Variants in ZC3H3 observed in about 807,000 individuals in gnomAD.
The protein encoded by ZC3H3 is zinc finger CCCH-type containing 3.
In ZC3H3, 36 loss-of-function variants were observed where a neutral mutation model predicts 77.3. That is an observed-to-expected ratio of 0.47 (90% CI 0.36 to 0.61). The LOEUF is 0.61. Among genes scored for constraint, ZC3H3 ranks in the 20% least tolerant of loss-of-function variants. The probability of loss-of-function intolerance (pLI) is 0.00; values close to 1 mark genes in which losing one functional copy is unlikely to be tolerated. For synonymous variants in ZC3H3, 626 were observed against 555.2 expected, an observed-to-expected ratio of 1.13 and a Z score of -1.79; for missense variants, 1,331 against 1,312.2, an observed-to-expected ratio of 1.01 and a Z score of -0.22.
At chr8:143,470,896 C>T (rs1042667354) in intron 5 of ZC3H3, among the ~76,000 whole-genome samples, 3 of 152,212 alleles carry the variant, frequency 2.0e-5, no homozygotes, top group African/African-American at 7.2e-5. Flanking sequence ...CAGCAGAAGG[C>T]GCCATGCATT....
At position 143,462,403 on chromosome 8, in the gene ZC3H3, C is replaced by T. The variant is rs116753206; in HGVS notation, c.2307+3314G>A. On this transcript the variant is annotated intron_variant, in intron 9 of 11. Transcript: ENST00000262577. The surrounding 1 kb of genome is among the most constrained non-coding windows in gnomAD (Gnocchi z 4.7). ...ATCACAGGGCAAAGGATGTCAGGAC[C>T]TTGCCTCATAAAGGACGAAGGATTC... Among the ~76,000 whole-genome samples, 3 of 152,334 alleles carry T rather than the reference C, an allele frequency of 2.0e-5. No homozygotes were observed. The highest frequency in any genetic ancestry group is 1.3e-4 in the Admixed American group (2 of 15,308).
At chr8:143,489,796 G>A in intron 4 of ZC3H3, among the ~76,000 whole-genome samples, 1 of 152,258 alleles carries the variant, frequency 6.6e-6, no homozygotes, top group African/African-American at 2.4e-5. Flanking sequence ...TGCCAATTAA[G>A]TGCTGACTTG....
Position 143,474,553 on chromosome 8 carries a change from GGCTTCCAGGGAGGTAC to G in ZC3H3, c.1903+829_1903+844del, listed in dbSNP as rs533487021. Among the ~76,000 whole-genome samples, 1,457 of 152,336 alleles carry G rather than the reference GGCTTCCAGGGAGGTAC, an allele frequency of 9.6e-3. 11 individuals carry two copies. Among genetic ancestry groups the G allele is most frequent in the Admixed American group, 0.017 (259 of 15,308 alleles). ...GCCAGGCAGGGCGGCCAGTGAGGCT[GGCTTCCAGGGAGGTAC>G]GCTTCCTGCCTCTCCTCTGACCCCC... On this transcript the variant is annotated intron_variant, in intron 5 of 11. Coordinates refer to ENST00000262577, the MANE Select transcript of ZC3H3 (RefSeq NM_015117.3).
At position 143,536,278 on chromosome 8, in the gene ZC3H3, C is replaced by T; in HGVS notation, c.1540G>A (p.Ala514Thr). 9 of 1,611,426 alleles carry T rather than the reference C, an allele frequency of 5.6e-6. No homozygotes were observed. Among genetic ancestry groups the T allele is most frequent in the Non-Finnish European group, 7.6e-6 (9 of 1,179,656 alleles). The change falls in exon 3 of 12, where the codon GCC becomes ACC. Residue 514 changes from alanine (A) to threonine (T), a missense_variant. By Grantham distance (58) the Ala-to-Thr change is moderately conservative. Coordinates refer to ENST00000262577, the MANE Select transcript of ZC3H3 (RefSeq NM_015117.3). ...ATACCTTCCTTGGTGGGGAGGTGGGCCCGGCTCGGTGGCAGGCGACATAGT... is the reference window on the plus strand; with the variant it reads ...ATACCTTCCTTGGTGGGGAGGTGGGTCCGGCTCGGTGGCAGGCGACATAGT... Reference protein sequence around the residue: ...HRLCRLPPSRAHLPTKEASSL... With the variant: ...HRLCRLPPSRTHLPTKEASSL...
chr8:143,477,840 C>A (rs561772618), intron 4 of ZC3H3, among the ~76,000 whole-genome samples: 2 of 152,250 alleles, frequency 1.3e-5, no homozygotes, highest in Admixed American at 1.3e-4. Context: ...TGCACCCCCC[C>A]ACCGCAGCAC....
intron 3 of ZC3H3, among the ~76,000 whole-genome samples, chr8:143,517,314 T>G (rs1026972689): frequency 6.6e-6 from 1 of 152,078 alleles, no homozygotes; most frequent in African/African-American, 2.4e-5. Context: ...GGAGGGGGCC[T>G]CCCTGCCCTC....
At chr8:143,475,926 T>C (rs1356247131) in intron 4 of ZC3H3, among the ~76,000 whole-genome samples, 1 of 152,180 alleles carries the variant, frequency 6.6e-6, no homozygotes, top group Non-Finnish European at 1.5e-5. Context: ...CGTCCTCCAG[T>C]GCACACCTCC....
intron 4 of ZC3H3, among the ~76,000 whole-genome samples, chr8:143,501,974 A>G (rs146545249): frequency 6.6e-6 from 1 of 152,360 alleles, no homozygotes; most frequent in Non-Finnish European, 1.5e-5. Context: ...AGAGGTGATG[A>G]GGTGAAATGG....
chr8:143,507,455 C>T (rs1277276985), intron 4 of ZC3H3, among the ~76,000 whole-genome samples: 1 of 152,278 alleles, frequency 6.6e-6, no homozygotes, highest in African/African-American at 2.4e-5. Context: ...TTTCATGGCA[C>T]AGAGCCCTCA....
chr8:143,541,307 G>C, intron 1 of ZC3H3, 69 bp downstream of exon 1: 2 of 1,597,102 alleles, frequency 1.3e-6, no homozygotes, highest in Non-Finnish European at 8.5e-7. Flanking sequence ...TTCGACAAGG[G>C]GGCAGGGGAC....
chr8:143,448,820 G>C (rs1187254050), intron 9 of ZC3H3, among the ~76,000 whole-genome samples: 4 of 152,246 alleles, frequency 2.6e-5, no homozygotes, highest in African/African-American at 9.6e-5. Context: ...CTCTATGAGG[G>C]CTTGACCCCT....
intron 9 of ZC3H3, among the ~76,000 whole-genome samples, chr8:143,464,454 C>T (rs1207318608): frequency 6.6e-6 from 1 of 152,180 alleles, no homozygotes; most frequent in African/African-American, 2.4e-5. Context: ...GGGCTGCAGG[C>T]TGACTCCTCC....
intron 3 of ZC3H3, among the ~76,000 whole-genome samples, chr8:143,528,766 C>A (rs564465902): frequency 3.9e-5 from 6 of 152,342 alleles, no homozygotes; most frequent in African/African-American, 1.2e-4. Context: ...CACCTTCCCG[C>A]CCATGGCCTG....
intron 3 of ZC3H3, 103 bp downstream of exon 3, chr8:143,536,154 C>A (rs1822787737): frequency 4.3e-6 from 6 of 1,389,940 alleles, no homozygotes; most frequent in East Asian, 2.5e-5. Context: ...GCCAGGGCCT[C>A]TACCAGCATG....
chr8:143,529,581 G>A (rs1321882891), intron 3 of ZC3H3, among the ~76,000 whole-genome samples: 4 of 152,218 alleles, frequency 2.6e-5, no homozygotes, highest in Non-Finnish European at 5.9e-5. Context: ...AGCGTTCCAG[G>A]AAATGTCGCA....
chr8:143,487,150 G>C (rs1194004985), intron 4 of ZC3H3, among the ~76,000 whole-genome samples: 17 of 4,580 alleles, frequency 3.7e-3, no homozygotes, highest in African/African-American at 6.3e-3. Context: ...CTCAGACACA[G>C]AACAGCACCC....
At chr8:143,516,004 G>A (rs961488680) in intron 3 of ZC3H3, among the ~76,000 whole-genome samples, 6 of 152,340 alleles carry the variant, frequency 3.9e-5, no homozygotes, top group Middle Eastern at 3.4e-3. Context: ...GCAGGTGCAG[G>A]GAGTGTGCTG....
chr8:143,486,960 G>C (rs75243302), intron 4 of ZC3H3, among the ~76,000 whole-genome samples: 8 of 13,510 alleles, frequency 5.9e-4, no homozygotes, highest in African/African-American at 7.4e-4. Flanking sequence ...ACGAAGCTCA[G>C]ACACAGAACA....
At chr8:143,452,831 C>T (rs1820022870) in intron 9 of ZC3H3, among the ~76,000 whole-genome samples, 1 of 152,104 alleles carries the variant, frequency 6.6e-6, no homozygotes, top group African/African-American at 2.4e-5. Context: ...CTTGGGACCA[C>T]AACAAAAGAC....
Sources: allele counts gnomAD v4.1 joint callset (sites outside exome capture counted in the v4.1 genomes callset), GRCh38; gene constraint gnomAD v4.1.1; non-coding constraint Gnocchi (gnomAD v3.1); transcripts MANE v1.5; gene names NCBI Gene and HGNC (gene_info 2026-07-23, HGNC 2026-07-21).